MC4R: variants seen among roughly 807,000 people sequenced by gnomAD.
MC4R encodes the protein melanocortin 4 receptor.
A neutral mutation model predicts 16.1 loss-of-function variants in MC4R; 15 were observed. The ratio of observed to expected loss-of-function variants is 0.93; its 90% CI spans 0.62 to 1.44. MC4R has a LOEUF of 1.44. Ranked by LOEUF, MC4R falls within the 40% of genes most tolerant of loss-of-function variation. The probability of loss-of-function intolerance (pLI) is 0.00; values close to 1 mark genes in which losing one functional copy is unlikely to be tolerated. For synonymous variants in MC4R, 162 were observed against 151.7 expected, an observed-to-expected ratio of 1.07 and a Z score of -0.50; for missense variants, 416 against 411.4, an observed-to-expected ratio of 1.01 and a Z score of -0.10.
rs751428978 is a variant in MC4R, at chr18:60,371,637, C to G, written c.713G>C (p.Gly238Ala). The G allele has an allele frequency of 6.2e-7, 1 of 1,614,154 alleles. No homozygotes were observed. The highest frequency in any genetic ancestry group is 1.7e-5 in the Admixed American group (1 of 60,032). ...GGTAATCGCTCCCTTCATATTGGCACCTTGGCGGATGGCACCAGTGCCGGG... is the reference window on the plus strand; with the variant it reads ...GGTAATCGCTCCCTTCATATTGGCAGCTTGGCGGATGGCACCAGTGCCGGG... ...VLPGTGAIRQ[G>A]ANMKGAITLT... The change falls in exon 1 of 1, where the codon GGT becomes GCT. Residue 238 changes from glycine (G) to alanine (A), a missense_variant. Transcript: ENST00000299766.
In MC4R at chr18:60,371,299, A is replaced by G. The variant is rs1412605850; in HGVS notation, c.*52T>C. The G allele has an allele frequency of 7.0e-6, 11 of 1,567,704 alleles. No homozygotes were observed. Among genetic ancestry groups the G allele is most frequent in the African/African-American group, 1.4e-5 (1 of 73,962 alleles). ...AGAAGTACAATATTCAGGTAGGGTA[A>G]GAGTGAAAAAGTCTCTTATGCATGT... On this transcript the variant is annotated 3_prime_UTR_variant, in exon 1 of 1. Coordinates refer to ENST00000299766, the MANE Select transcript of MC4R (RefSeq NM_005912.3).
At position 60,371,555 on chromosome 18, in the gene MC4R, T is replaced by C; in HGVS notation, c.795A>G (p.Leu265=). 6.2e-7 allele frequency: 1 copy of C among 1,614,092 alleles called. No homozygotes were observed. Among genetic ancestry groups the C allele is most frequent in the Non-Finnish European group, 8.5e-7 (1 of 1,180,018 alleles). ...TCTGAGGACAAGAGATGTAGAATAT[T>C]AAGTGGAGGAAGAATGGGGCCCAGC... ...VVCWAPFFLH[L]IFYISCPQNP... is the part of the protein sequence containing the mutation. Residue 265 remains leucine, a synonymous_variant, in exon 1 of 1, where the codon TTA becomes TTG. Coordinates refer to ENST00000299766, the MANE Select transcript of MC4R (RefSeq NM_005912.3).
rs146099234 is a variant in MC4R at position 60,372,339 on chromosome 18, G to A, written c.11C>T (p.Ser4Phe). 1.7e-5 allele frequency: 27 copies of A among 1,613,942 alleles called. No individual in the cohort carries two copies. The African/African-American group carries it at 3.2e-4, about 19-fold the overall frequency. The change falls in exon 1 of 1, where the codon TCC (serine) becomes TTC (phenylalanine). Residue 4 changes from serine (S) to phenylalanine (F), a missense_variant. Physicochemically the swap from Ser to Phe is radical, Grantham distance 155. Transcript: ENST00000299766. ...AGAAGTGTGCATCCCACGGTGGGTG[G>A]AGTTCACCATGCTGGCAGGAGAATT... MVN[S>F]THRGMHTSLH...
Position 60,371,507 on chromosome 18 carries a change from C to T in MC4R, c.843G>A (p.Met281Ile), listed in dbSNP as rs992501527. The T allele has an allele frequency of 3.7e-6, 6 of 1,614,150 alleles. No homozygotes were observed. The highest frequency in any genetic ancestry group is 4.2e-6 in the Non-Finnish European group (5 of 1,180,016). ...CPQNPYCVCF[M>I]SHFNLYLILI... Reference sequence around the variant, plus strand: ...GTATGAGATACAAGTTAAAGTGAGACATGAAGCACACACAATATGGATTCT... The same window carrying T: ...GTATGAGATACAAGTTAAAGTGAGATATGAAGCACACACAATATGGATTCT... Residue 281 changes from methionine to isoleucine, a missense_variant, in exon 1 of 1, where the codon ATG (methionine) becomes ATA (isoleucine). Transcript: ENST00000299766.
In MC4R at chr18:60,371,365, A is replaced by C; in HGVS notation, c.985T>G (p.Ser329Ala). 5 of 1,614,198 alleles carry C rather than the reference A, an allele frequency of 3.1e-6. No homozygotes were observed. Among genetic ancestry groups the C allele is most frequent in the Non-Finnish European group, 4.2e-6 (5 of 1,180,038 alleles). Reference protein sequence around the residue: ...CYPLGGLCDLSSRY With the variant: ...CYPLGGLCDLASRY Reference sequence around the variant, plus strand: ...TCTGTCCCCATTTAATATCTGCTAGACAAGTCACAAAGGCCTCCCAGGGGA... The same window carrying C: ...TCTGTCCCCATTTAATATCTGCTAGCCAAGTCACAAAGGCCTCCCAGGGGA... Residue 329 changes from serine to alanine, a missense_variant, in exon 1 of 1, where the codon TCT becomes GCT. Transcript: ENST00000299766.
At position 60,372,691 on chromosome 18, in the gene MC4R, T is replaced by C. The variant is rs528266783; in HGVS notation, c.-342A>G. ...AATTTTCCTTGAAGCTGCCATGCCA[T>C]TGGGAGACGAATCTGTGCGCACATG... On this transcript the variant is annotated 5_prime_UTR_variant, in exon 1 of 1. It removes an upstream start codon present in the reference 5' UTR. Transcript: ENST00000299766. The C allele has an allele frequency of 3.6e-5, 13 of 358,066 alleles. No individual in the cohort carries two copies. The highest frequency in any genetic ancestry group is 1.0e-4 in the South Asian group (4 of 38,542). 22.2% of individuals were successfully genotyped at this position (358,066 alleles called of 1,614,324 possible). A position where few individuals can be genotyped will look rare whatever the true frequency, so the allele number is the denominator to read the frequency against.
Position 60,371,603 on chromosome 18 carries a change from G to A in MC4R, c.747C>T (p.Ile249=), listed in dbSNP as rs778267463. The A allele has an allele frequency of 4.3e-6, 7 of 1,614,230 alleles. No individual in the cohort carries two copies. Among genetic ancestry groups the A allele is most frequent in the South Asian group, 1.1e-5 (1 of 91,074 alleles). Residue 249 remains isoleucine, a synonymous_variant, in exon 1 of 1, where the codon ATC becomes ATT. Transcript: ENST00000299766. ...AGCAGACAACAAAGACGCCAATCAG[G>A]ATGGTCAAGGTAATCGCTCCCTTCA... ...ANMKGAITLT[I]LIGVFVVCWA... is the part of the protein sequence containing the mutation.
At position 60,371,794 on chromosome 18, in the gene MC4R, T is replaced by C; in HGVS notation, c.556A>G (p.Ile186Val). 3 of 1,614,060 alleles carry C rather than the reference T, an allele frequency of 1.9e-6. No individual in the cohort carries two copies. Among genetic ancestry groups the C allele is most frequent in the Non-Finnish European group, 2.5e-6 (3 of 1,179,984 alleles). Reference protein sequence around the residue: ...ACTVSGILFIIYSDSSAVIIC... With the variant: ...ACTVSGILFIVYSDSSAVIIC... ...ATGACAGCACTACTATCTGAGTAAA[T>C]GATGAACAAAATGCCTGAAACCGTG... Residue 186 changes from isoleucine to valine, a missense_variant, in exon 1 of 1, where the codon ATT becomes GTT. Transcript: ENST00000299766.
In MC4R at chr18:60,371,702, G is replaced by T; in HGVS notation, c.648C>A (p.Phe216Leu). ...ALMASLYVHM[F>L]LMARLHIKRI... ...TCTTAATGTGAAGCCTGGCCATCAG[G>T]AACATGTGGACATAGAGAGAAGCCA... is the stretch of plus-strand genomic sequence containing the variant. Residue 216 changes from phenylalanine to leucine, a missense_variant, in exon 1 of 1, where the codon TTC becomes TTA. Coordinates refer to ENST00000299766, the MANE Select transcript of MC4R (RefSeq NM_005912.3). 6.2e-7 allele frequency: 1 copy of T among 1,614,174 alleles called. No individual in the cohort carries two copies. The highest frequency in any genetic ancestry group is 1.1e-5 in the South Asian group (1 of 91,078).
At position 60,372,709 on chromosome 18, in the gene MC4R, C is replaced by A. The variant is rs530787706; in HGVS notation, c.-360G>T. On this transcript the variant is annotated 5_prime_UTR_variant, in exon 1 of 1. Coordinates refer to ENST00000299766, the MANE Select transcript of MC4R (RefSeq NM_005912.3). ...CATGCCATTGGGAGACGAATCTGTG[C>A]GCACATGCTCACATCGGCTGCCTCT... is the stretch of plus-strand genomic sequence containing the variant. The A allele has an allele frequency of 7.2e-5, 23 of 320,228 alleles. No individual in the cohort carries two copies. The highest frequency in any genetic ancestry group is 4.8e-4 in the African/African-American group (22 of 46,276). 19.8% of individuals were successfully genotyped at this position (320,228 alleles called of 1,614,324 possible). A position where few individuals can be genotyped will look rare whatever the true frequency, so the allele number is the denominator to read the frequency against.
At position 60,372,021 on chromosome 18, in the gene MC4R, G is replaced by C. The variant is rs754205197; in HGVS notation, c.329C>G (p.Thr110Arg). ...ETIVITLLNS[T>R]DTDAQSFTVN... is the part of the protein sequence containing the mutation. The stretch of plus-strand genomic sequence containing the variant: ...TGTGAAACTCTGTGCATCCGTATCT[G>C]TACTGTTTAATAGGGTGATGACAAT... The change falls in exon 1 of 1, where the codon ACA becomes AGA. Residue 110 changes from threonine to arginine, a missense_variant. Transcript: ENST00000299766. The C allele has an allele frequency of 6.2e-7, 1 of 1,614,176 alleles. No individual in the cohort carries two copies. The highest frequency in any genetic ancestry group is 1.1e-5 in the South Asian group (1 of 91,076).
At position 60,371,990 on chromosome 18, in the gene MC4R, A is replaced by G. The variant is rs1598932270; in HGVS notation, c.360T>C (p.Asn120=). 6.2e-7 allele frequency: 1 copy of G among 1,614,198 alleles called. No homozygotes were observed. Among genetic ancestry groups the G allele is most frequent in the East Asian group, 2.2e-5 (1 of 44,886 alleles). Reference sequence around the variant, plus strand: ...TCACCGAGTCAATGACATTATCAATATTCACTGTGAAACTCTGTGCATCCG... The same window carrying G: ...TCACCGAGTCAATGACATTATCAATGTTCACTGTGAAACTCTGTGCATCCG... ...TDTDAQSFTV[N]IDNVIDSVIC... is the part of the protein sequence containing the mutation. The change falls in exon 1 of 1, where the codon AAT becomes AAC. Residue 120 remains asparagine, a synonymous_variant. Transcript: ENST00000299766.
chr18:60,371,967 AC>A lies in MC4R; in HGVS notation c.382del (p.Val128Ter). On this transcript the variant is annotated frameshift_variant, in exon 1 of 1. Transcript: ENST00000299766. LOFTEE classifies it high-confidence loss of function. ...TVNIDNVIDS[V>X]ICSSLLASIC... Reference sequence around the variant, plus strand: ...GGATGCAAGCAAGGAGCTACAGATCACCGAGTCAATGACATTATCAATATTC... The same window carrying A: ...GGATGCAAGCAAGGAGCTACAGATCACGAGTCAATGACATTATCAATATTC... 6.2e-7 allele frequency: 1 copy of A among 1,614,154 alleles called. No homozygotes were observed. The highest frequency in any genetic ancestry group is 8.5e-7 in the Non-Finnish European group (1 of 1,180,038).
chr18:60,371,548 A>T lies in MC4R; in HGVS notation c.802T>A (p.Tyr268Asn). 1 of 1,614,232 alleles carries T rather than the reference A, an allele frequency of 6.2e-7. No homozygotes were observed. Among genetic ancestry groups the T allele is most frequent in the Non-Finnish European group, 8.5e-7 (1 of 1,180,020 alleles). Residue 268 changes from tyrosine to asparagine, a missense_variant, in exon 1 of 1, where the codon TAC becomes AAC. Transcript: ENST00000299766. ...WAPFFLHLIF[Y>N]ISCPQNPYCV... ...TATGGATTCTGAGGACAAGAGATGT[A>T]GAATATTAAGTGGAGGAAGAATGGG...
rs121917829 is a variant in MC4R, at chr18:60,371,489, A to T, written c.861T>A (p.Tyr287Ter). ...TTGAATTACACATGATCAGTATGAG[A>T]TACAAGTTAAAGTGAGACATGAAGC... ...CVCFMSHFNL[Y>*]LILIMCNSII... Residue 287 changes from tyrosine (Y) to a stop codon, truncating the protein, a stop_gained, in exon 1 of 1, where the codon TAT becomes TAA. Coordinates refer to ENST00000299766, the MANE Select transcript of MC4R (RefSeq NM_005912.3). LOFTEE classifies it high-confidence loss of function. The T allele has an allele frequency of 6.2e-7, 1 of 1,614,236 alleles. No individual in the cohort carries two copies. Among genetic ancestry groups the T allele is most frequent in the South Asian group, 1.1e-5 (1 of 91,080 alleles).
Position 60,371,237 on chromosome 18 carries a change from C to G in MC4R, c.*114G>C. On this transcript the variant is annotated 3_prime_UTR_variant, in exon 1 of 1. Coordinates refer to ENST00000299766, the MANE Select transcript of MC4R (RefSeq NM_005912.3). ...GGCTTAAATTTACACAATGGATATT[C>G]TCAACCAGTACCCTACACGGAAGAG... 5.4e-6 allele frequency: 6 copies of G among 1,115,376 alleles called. No individual in the cohort carries two copies. Among genetic ancestry groups the G allele is most frequent in the Non-Finnish European group, 6.8e-6 (5 of 739,632 alleles). 69.1% of individuals were successfully genotyped at this position (1,115,376 alleles called of 1,614,324 possible).
In MC4R at chr18:60,371,347, C is replaced by T; in HGVS notation, c.*4G>A. 1 of 1,614,034 alleles carries T rather than the reference C, an allele frequency of 6.2e-7. No homozygotes were observed. The highest frequency in any genetic ancestry group is 8.5e-7 in the Non-Finnish European group (1 of 1,180,010). ...TGTTCCTATATTGCGTGCTCTGTCC[C>T]CATTTAATATCTGCTAGACAAGTCA... On this transcript the variant is annotated 3_prime_UTR_variant, in exon 1 of 1. Coordinates refer to ENST00000299766, the MANE Select transcript of MC4R (RefSeq NM_005912.3).
chr18:60,371,661 G>A lies in MC4R; in HGVS notation c.689C>T (p.Pro230Leu), dbSNP rs13447334. 1 of 1,614,156 alleles carries A rather than the reference G, an allele frequency of 6.2e-7. No homozygotes were observed. Among genetic ancestry groups the A allele is most frequent in the Non-Finnish European group, 8.5e-7 (1 of 1,180,028 alleles). ...RLHIKRIAVL[P>L]GTGAIRQGAN... ...ACCTTGGCGGATGGCACCAGTGCCG[G>A]GGAGGACAGCAATCCTCTTAATGTG... Residue 230 changes from proline to leucine, a missense_variant, in exon 1 of 1, where the codon CCC becomes CTC. Pro to Leu is a moderately conservative substitution (Grantham distance 98). Coordinates refer to ENST00000299766, the MANE Select transcript of MC4R (RefSeq NM_005912.3).
Position 60,371,086 on chromosome 18 carries a change from A to T in MC4R, c.*265T>A, listed in dbSNP as rs376373323. 4.9e-5 allele frequency: 22 copies of T among 448,932 alleles called. No homozygotes were observed. In the South Asian group the frequency reaches 4.9e-4, roughly 10 times the overall value. The allele number at this position is 448,932 out of a possible 1,614,324, so 27.8% of individuals were successfully genotyped here. A position where few individuals can be genotyped will look rare whatever the true frequency, so the allele number is the denominator to read the frequency against. On this transcript the variant is annotated 3_prime_UTR_variant, in exon 1 of 1. Coordinates refer to ENST00000299766, the MANE Select transcript of MC4R (RefSeq NM_005912.3). Reference sequence around the variant, plus strand: ...AGACATTGTTAAGCTTTTAATAAGGACTTTTCTTTTTGTAAATCCACAGTG... The same window carrying T: ...AGACATTGTTAAGCTTTTAATAAGGTCTTTTCTTTTTGTAAATCCACAGTG...
Sources: gnomAD v4.1 joint callset for allele counts on GRCh38, gnomAD v4.1.1 for gene constraint, MANE v1.5 for transcripts, NCBI Gene and HGNC (gene_info 2026-07-23, HGNC 2026-07-21) for gene names.